Variants in DNAH11 observed in about 807,000 individuals in gnomAD.
DNAH11 encodes axonemal beta dynein heavy chain 11.
DNAH11 carries 442 observed loss-of-function variants against 526.0 expected under a neutral mutation model. That is an observed-to-expected ratio of 0.84 (90% CI 0.78 to 0.91). DNAH11 has a LOEUF of 0.91. DNAH11 is among the 40% of genes least tolerant of loss of function. DNAH11 has a pLI of 0.00. For missense variants in DNAH11, 6,989 were observed against 5,448.7 expected (o/e 1.28, Z -8.90); for synonymous variants, 2,461 against 1,935.9 (o/e 1.27, Z -7.12).
chr7:21,700,246 G>C (rs893051240), intron 36 of DNAH11, among the ~76,000 whole-genome samples: 2 of 152,170 alleles, frequency 1.3e-5, no homozygotes, highest in African/African-American at 2.4e-5. Context: ...AACAAAGAAG[G>C]AAAGAGTTTG....
At chr7:21,884,448 C>A in intron 76 of DNAH11, 38 bp downstream of exon 76, 3 of 1,569,434 alleles carry the variant, frequency 1.9e-6, no homozygotes, top group South Asian at 1.2e-5. Flanking sequence ...ATAAATTTCA[C>A]TGAGCAAAAA....
chr7:21,824,727 T>C (rs1338600268), intron 65 of DNAH11, among the ~76,000 whole-genome samples: 6 of 152,222 alleles, frequency 3.9e-5, no homozygotes, highest in Non-Finnish European at 8.8e-5. Flanking sequence ...GTGTGTGTAT[T>C]CTGAAACAAC....
intron 32 of DNAH11, among the ~76,000 whole-genome samples, chr7:21,686,264 T>A (rs1452137136): frequency 6.6e-6 from 1 of 152,188 alleles, no homozygotes; most frequent in Non-Finnish European, 1.5e-5. Context: ...GTCAAAAGAC[T>A]TATTTAAGAT....
chr7:21,844,214 G>C (rs985497268), intron 66 of DNAH11, among the ~76,000 whole-genome samples: 1 of 152,070 alleles, frequency 6.6e-6, no homozygotes, highest in African/African-American at 2.4e-5. Context: ...GATCACTTGA[G>C]GCCAGTTTGA....
chr7:21,672,107 T>C (rs1231884916), intron 30 of DNAH11, among the ~76,000 whole-genome samples: 1 of 152,176 alleles, frequency 6.6e-6, no homozygotes, highest in Non-Finnish European at 1.5e-5. Flanking sequence ...CTGATATTGC[T>C]GAAGGTGAAA....
At chr7:21,640,717 T>C (rs7801543) in intron 28 of DNAH11, among the ~76,000 whole-genome samples, 18,665 of 151,950 alleles carry the variant, frequency 0.12, 1,380 homozygotes, top group African/African-American at 0.21. Context: ...GGTCCCCCTT[T>C]CTTATTAAAA....
chr7:21,824,508 A>T (rs2128004213), intron 65 of DNAH11, among the ~76,000 whole-genome samples: 1 of 152,330 alleles, frequency 6.6e-6, no homozygotes, highest in Admixed American at 6.5e-5. Context: ...TGTGACAGGC[A>T]TATGAAGATC....
chr7:21,555,924 G>C (rs918664623), intron 2 of DNAH11, among the ~76,000 whole-genome samples: 1 of 152,178 alleles, frequency 6.6e-6, no homozygotes, highest in Non-Finnish European at 1.5e-5. Context: ...CGAACCCAAA[G>C]AATGGACTTG....
At chr7:21,655,639 G>A (rs1781979391) in intron 28 of DNAH11, among the ~76,000 whole-genome samples, 193 bp from the exon 29 acceptor site, 1 of 152,114 alleles carries the variant, frequency 6.6e-6, no homozygotes, top group African/African-American at 2.4e-5. Flanking sequence ...TTTGACCAGA[G>A]TGACTGGCCA....
chr7:21,776,196 A>G (rs1787666156), intron 56 of DNAH11, among the ~76,000 whole-genome samples: 2 of 152,158 alleles, frequency 1.3e-5, no homozygotes. Context: ...CTTAGCTAAG[A>G]ACCACAGGCA....
chr7:21,841,371 A>G (rs1038692105), intron 65 of DNAH11, among the ~76,000 whole-genome samples: 15 of 152,214 alleles, frequency 9.9e-5, no homozygotes, highest in African/African-American at 3.4e-4. Flanking sequence ...CATTTAATGT[A>G]TGTTTAATCA....
chr7:21,847,466 G>T (rs1163019416), intron 66 of DNAH11, among the ~76,000 whole-genome samples: 1 of 152,064 alleles, frequency 6.6e-6, no homozygotes, highest in African/African-American at 2.4e-5. Context: ...AAACTGTGTT[G>T]TTTAATCTCC....
rs778473546 is a variant in DNAH11, at chr7:21,681,526, T to A, written c.5329-20T>A. Reference sequence around the variant, plus strand: ...GTATTTGTAACCCTTCTCTCCTTTTTAAAAAATGATTCCTTCTAGATTTCT... The same window carrying A: ...GTATTTGTAACCCTTCTCTCCTTTTAAAAAAATGATTCCTTCTAGATTTCT... On this transcript the variant is annotated intron_variant, in intron 30 of 81. Coordinates refer to ENST00000409508, the MANE Select transcript of DNAH11 (RefSeq NM_001277115.2). The A allele has an allele frequency of 1.2e-6, 2 of 1,610,194 alleles. No individual in the cohort carries two copies. The highest frequency in any genetic ancestry group is 1.7e-6 in the Non-Finnish European group (2 of 1,177,702).
chr7:21,685,783 A>T (rs539864829), intron 32 of DNAH11, among the ~76,000 whole-genome samples: 5 of 152,224 alleles, frequency 3.3e-5, no homozygotes, highest in Non-Finnish European at 5.9e-5. Flanking sequence ...CATGCTAAAC[A>T]TGGTTTCCAC....
intron 20 of DNAH11, among the ~76,000 whole-genome samples, chr7:21,609,696 A>T (rs1785439636): frequency 6.6e-6 from 1 of 152,230 alleles, no homozygotes; most frequent in Non-Finnish European, 1.5e-5. Flanking sequence ...GTAATTTTTA[A>T]TCTGTTGCGG....
chr7:21,594,377 A>T (rs1030076158), intron 14 of DNAH11, among the ~76,000 whole-genome samples: 1 of 152,090 alleles, frequency 6.6e-6, no homozygotes, highest in Non-Finnish European at 1.5e-5. Flanking sequence ...GCACCTTTCT[A>T]GGTTTTTGAA....
At chr7:21,810,549 T>C (rs1018648119) in intron 63 of DNAH11, among the ~76,000 whole-genome samples, 5 of 152,048 alleles carry the variant, frequency 3.3e-5, no homozygotes, top group South Asian at 2.1e-4. Flanking sequence ...AGGAGAGTGG[T>C]AAAAATATCA....
chr7:21,805,531 A>G (rs887776423), intron 62 of DNAH11, among the ~76,000 whole-genome samples: 10 of 152,186 alleles, frequency 6.6e-5, no homozygotes, highest in African/African-American at 1.9e-4. Context: ...CACCAGTACT[A>G]GTACTTAAAA....
Position 21,789,526 on chromosome 7 carries a change from T to C in DNAH11, c.10026+184T>C, listed in dbSNP as rs1331230121. Reference sequence around the variant, plus strand: ...TTCTTATCTGCTCTGTGGTAGATGCTGAACTGGGAAAGTGCAAATGTTCAT... The same window carrying C: ...TTCTTATCTGCTCTGTGGTAGATGCCGAACTGGGAAAGTGCAAATGTTCAT... On this transcript the variant is annotated intron_variant, in intron 61 of 81. Transcript: ENST00000409508. Among the ~76,000 whole-genome samples the C allele has an allele frequency of 2.0e-5, 3 of 152,106 alleles. No homozygotes were observed. In the East Asian group the frequency reaches 5.8e-4, roughly 30 times the overall value.
Sources: allele counts gnomAD v4.1 joint callset (sites outside exome capture counted in the v4.1 genomes callset), GRCh38; gene constraint gnomAD v4.1.1; transcripts MANE v1.5; gene names NCBI Gene and HGNC (gene_info 2026-07-23, HGNC 2026-07-21).